The following COL23A1 variants were observed in gnomAD, a reference collection of about 807,000 sequenced individuals.
COL23A1 encodes the protein collagen alpha-1(XXIII) chain.
A neutral mutation model predicts 99.3 loss-of-function variants in COL23A1; 97 were observed. The observed-to-expected ratio is 0.98, with a 90% confidence interval of 0.83 to 1.16. The LOEUF (loss-of-function observed/expected upper bound fraction) is 1.16. COL23A1 is among the 50% of genes most tolerant of loss of function. COL23A1 has a pLI of 0.00. For synonymous variants in COL23A1, 320 were observed against 308.2 expected, an observed-to-expected ratio of 1.04 and a Z score of -0.40; for missense variants, 762 against 757.4, an observed-to-expected ratio of 1.01 and a Z score of -0.07.
chr5:178,524,119 GA>G, intron 2 of COL23A1, among the ~76,000 whole-genome samples: 1 of 152,304 alleles, frequency 6.6e-6, no homozygotes, highest in East Asian at 1.9e-4. Context: ...AAATAACAAA[GA>G]GAACGTACTG....
intron 17 of COL23A1, 104 bp from the exon 18 acceptor site, chr5:178,250,209 T>G: frequency 7.4e-7 from 1 of 1,351,146 alleles, no homozygotes; most frequent in South Asian, 1.2e-5. Context: ...AGGGTGGGTC[T>G]TTGCAGTTGG....
At chr5:178,542,998 T>C (rs866890521) in intron 2 of COL23A1, among the ~76,000 whole-genome samples, 1 of 152,280 alleles carries the variant, frequency 6.6e-6, no homozygotes, top group Middle Eastern at 3.4e-3. Context: ...TCCTAGGGCA[T>C]GGGATTAGAT....
chr5:178,440,646 A>T (rs1766816249), intron 2 of COL23A1, among the ~76,000 whole-genome samples: 1 of 140,058 alleles, frequency 7.1e-6, no homozygotes, highest in African/African-American at 2.9e-5. Context: ...ATGGAGTTTC[A>T]CTCTTGTTGC....
At chr5:178,311,948 C>G (rs192800018) in intron 2 of COL23A1, among the ~76,000 whole-genome samples, 1 of 152,074 alleles carries the variant, frequency 6.6e-6, no homozygotes, top group East Asian at 1.9e-4. Flanking sequence ...CCAGGCTGGT[C>G]TCGAACTCCT....
In COL23A1 at chr5:178,281,434, A is replaced by G. The variant is rs1207797025; in HGVS notation, c.441+6890T>C. Among the ~76,000 whole-genome samples the G allele has an allele frequency of 6.6e-6, 1 of 152,150 alleles. No individual in the cohort carries two copies. The highest frequency in any genetic ancestry group is 2.4e-5 in the African/African-American group (1 of 41,446). ...CCACATTTCAGCCCAGAGCTCTCGC[A>G]GTCCCCTGGGGCCCCGGCTGTCGCT... On this transcript the variant is annotated intron_variant, in intron 5 of 28. Coordinates refer to ENST00000390654, the MANE Select transcript of COL23A1 (RefSeq NM_173465.4). This position sits in a 1 kb window ranked among gnomAD's most constrained non-coding sequence, Gnocchi z 4.0.
intron 2 of COL23A1, among the ~76,000 whole-genome samples, chr5:178,405,905 T>C (rs1304932594): frequency 6.6e-6 from 1 of 152,092 alleles, no homozygotes; most frequent in East Asian, 1.9e-4. Flanking sequence ...GAGTTAGAGA[T>C]CAGCCTGGAC....
chr5:178,376,096 T>C (rs527543113), intron 2 of COL23A1, among the ~76,000 whole-genome samples: 73 of 152,288 alleles, frequency 4.8e-4, no homozygotes, highest in African/African-American at 1.7e-3. Flanking sequence ...CTATTTAATA[T>C]CCCACTCTGC....
rs117881964 is a variant in COL23A1, at chr5:178,464,541, T to C, written c.361+96141A>G. On this transcript the variant is annotated intron_variant, in intron 2 of 28. Coordinates refer to ENST00000390654, the MANE Select transcript of COL23A1 (RefSeq NM_173465.4). Reference sequence around the variant, plus strand: ...TTCTTCCTGGTGTAACACACATGATTACAAGCACGTTGCTATTCGTAAGGT... The same window carrying C: ...TTCTTCCTGGTGTAACACACATGATCACAAGCACGTTGCTATTCGTAAGGT... Among the ~76,000 whole-genome samples the C allele has an allele frequency of 3.1e-4, 47 of 152,302 alleles. 1 individual carries two copies. The East Asian group carries it at 6.9e-3, about 22-fold the overall frequency.
chr5:178,259,527 CT>C (rs1418404178), intron 12 of COL23A1, among the ~76,000 whole-genome samples, 193 bp downstream of exon 12: 1 of 152,184 alleles, frequency 6.6e-6, no homozygotes, highest in Non-Finnish European at 1.5e-5. Context: ...GAATTCTGGC[CT>C]CAGGGAGAGC....
chr5:178,463,984 TG>T (rs910718674), intron 2 of COL23A1, among the ~76,000 whole-genome samples: 2 of 152,206 alleles, frequency 1.3e-5, no homozygotes, highest in Non-Finnish European at 2.9e-5. Context: ...CACAGGCTCA[TG>T]GGGAGAAATC....
intron 2 of COL23A1, among the ~76,000 whole-genome samples, chr5:178,478,383 T>G (rs603852): frequency 0.4 from 61,528 of 152,112 alleles, 13,316 homozygotes; most frequent in Admixed American, 0.52. Context: ...AGGAGTCCAC[T>G]GCAGAGGAAC....
chr5:178,411,331 AATAC>A (rs1166709394), intron 2 of COL23A1, among the ~76,000 whole-genome samples: 1 of 152,226 alleles, frequency 6.6e-6, no homozygotes, highest in East Asian at 1.9e-4. Context: ...CAGGAACTCA[AATAC>A]ATACATGTAC....
chr5:178,577,806 T>C (rs1318913804), intron 1 of COL23A1, among the ~76,000 whole-genome samples: 3 of 152,202 alleles, frequency 2.0e-5, no homozygotes, highest in Non-Finnish European at 4.4e-5. Context: ...GTCAACCAAC[T>C]TGTCCCAGGA....
intron 2 of COL23A1, among the ~76,000 whole-genome samples, chr5:178,487,810 C>A (rs1279068856): frequency 6.6e-6 from 1 of 152,198 alleles, no homozygotes; most frequent in Non-Finnish European, 1.5e-5. Context: ...CCAGATCCCA[C>A]TGAAAACCCT....
In COL23A1 at chr5:178,584,317, C is replaced by CAG. The variant is rs1041051034; in HGVS notation, c.294+5586_294+5587insCT. Among the ~76,000 whole-genome samples the CAG allele has an allele frequency of 4.8e-4, 72 of 150,464 alleles. 1 individual carries two copies. Among genetic ancestry groups the CAG allele is most frequent in the African/African-American group, 1.5e-3 (61 of 40,642 alleles). ...GAGCCACTGCACCTGGCCACACACA[C>CAG]ACACACACACACACACACACACACA... On this transcript the variant is annotated intron_variant, in intron 1 of 28. Coordinates refer to ENST00000390654, the MANE Select transcript of COL23A1 (RefSeq NM_173465.4).
intron 2 of COL23A1, among the ~76,000 whole-genome samples, chr5:178,514,109 T>A (rs994525940): frequency 6.6e-6 from 1 of 152,142 alleles, no homozygotes; most frequent in Non-Finnish European, 1.5e-5. Flanking sequence ...CCACTTTCTG[T>A]CTTGATGAAT....
Position 178,544,335 on chromosome 5 carries a change from G to A in COL23A1, c.361+16347C>T, listed in dbSNP as rs574814935. Among the ~76,000 whole-genome samples, 39 of 152,282 alleles carry A rather than the reference G, an allele frequency of 2.6e-4. No homozygotes were observed. Among genetic ancestry groups the A allele is most frequent in the Non-Finnish European group, 4.4e-4 (30 of 68,024 alleles). On this transcript the variant is annotated intron_variant, in intron 2 of 28. Transcript: ENST00000390654. This position sits in a 1 kb window ranked among gnomAD's most constrained non-coding sequence, Gnocchi z 4.4. ...TGCTGGAGCTCCTGGATCCCAAGGC[G>A]GGGAAGGCAAGTCGGCGGATGCGCA...
chr5:178,501,003 C>T (rs1367548203), intron 2 of COL23A1, among the ~76,000 whole-genome samples: 1 of 152,160 alleles, frequency 6.6e-6, no homozygotes, highest in Non-Finnish European at 1.5e-5. Context: ...ACATAAAGAA[C>T]TCTTACAAGT....
chr5:178,330,704 C>T (rs1759971507), intron 2 of COL23A1, among the ~76,000 whole-genome samples: 1 of 152,034 alleles, frequency 6.6e-6, no homozygotes, highest in Non-Finnish European at 1.5e-5. Context: ...CTGTGTGGCC[C>T]TGTCTGATCT....
Sources: gnomAD v4.1 joint callset for allele counts (sites outside exome capture counted in the v4.1 genomes callset) on GRCh38, gnomAD v4.1.1 for gene constraint, Gnocchi (gnomAD v3.1) non-coding constraint, MANE v1.5 for transcripts, NCBI Gene and HGNC (gene_info 2026-07-23, HGNC 2026-07-21) for gene names.